The following LRRIQ1 variants were observed in gnomAD, a reference collection of about 807,000 sequenced individuals.
LRRIQ1 encodes leucine rich repeats and IQ motif containing 1, also known as leucine-rich repeat- and IQ domain-containing protein 1.
A neutral mutation model predicts 211.9 loss-of-function variants in LRRIQ1; 210 were observed. The ratio of observed to expected loss-of-function variants is 0.99; its 90% CI spans 0.89 to 1.11. LRRIQ1 has a LOEUF of 1.11. LRRIQ1 is among the 50% of genes most tolerant of loss of function. LRRIQ1 has a pLI of 0.00. For synonymous variants in LRRIQ1, 699 were observed against 650.1 expected (o/e 1.08, Z -1.14); for missense variants, 2,136 against 1,939.5 (o/e 1.10, Z -1.90).
At position 85,232,423 on chromosome 12, in the gene LRRIQ1, A is replaced by T. The variant is rs565022434; in HGVS notation, c.4956-273A>T. ...TTTGTTAACCATCTTTACTAGTACT[A>T]ATCAATTGTGGCTCTTTGCATGTGT... On this transcript the variant is annotated intron_variant, in intron 25 of 26. Transcript: ENST00000393217. 2.0e-5 allele frequency among the ~76,000 whole-genome samples: 3 copies of T among 152,280 alleles called. No homozygotes were observed. The South Asian group carries it at 6.2e-4, about 32-fold the overall frequency.
chr12:85,198,518 T>C (rs993229911), intron 24 of LRRIQ1, among the ~76,000 whole-genome samples: 1 of 152,050 alleles, frequency 6.6e-6, no homozygotes, highest in African/African-American at 2.4e-5. Flanking sequence ...TGGTGTGAGA[T>C]AGTATCTCAT....
At chr12:85,261,953 G>T (rs999388228) in intron 1 of LRRIQ1, among the ~76,000 whole-genome samples, 16 of 151,882 alleles carry the variant, frequency 1.1e-4, no homozygotes, top group Admixed American at 6.6e-4. Flanking sequence ...ACCACGCCCG[G>T]CTAATTTTGT....
chr12:85,212,916 C>A (rs1260488958), intron 24 of LRRIQ1, among the ~76,000 whole-genome samples: 1 of 150,382 alleles, frequency 6.6e-6, no homozygotes, highest in Admixed American at 6.6e-5. Flanking sequence ...AAAAGAAGTA[C>A]TCTATCGAAT....
At chr12:85,057,292 C>T in intron 8 of LRRIQ1, 108 bp downstream of exon 8, 1 of 923,022 alleles carries the variant, frequency 1.1e-6, no homozygotes, top group Non-Finnish European at 1.5e-6. Flanking sequence ...AGAATTGTCT[C>T]TTGTTTAATA....
At chr12:85,089,314 G>T (rs1048977401) in intron 11 of LRRIQ1, among the ~76,000 whole-genome samples, 2 of 152,122 alleles carry the variant, frequency 1.3e-5, no homozygotes, top group South Asian at 2.1e-4. Context: ...GAGGGGCATT[G>T]CTATAAAGAT....
At chr12:85,172,901 GA>G (rs1891487941) in intron 24 of LRRIQ1, among the ~76,000 whole-genome samples, 1 of 151,934 alleles carries the variant, frequency 6.6e-6, no homozygotes, top group Admixed American at 6.6e-5. Flanking sequence ...AAGATCAAGA[GA>G]TCGAGACCAT....
At chr12:85,224,562 G>A (rs952805029) in intron 24 of LRRIQ1, among the ~76,000 whole-genome samples, 2 of 152,064 alleles carry the variant, frequency 1.3e-5, no homozygotes, top group Non-Finnish European at 2.9e-5. Flanking sequence ...CCATCAAAAA[G>A]GATGAGTTCA....
At chr12:85,100,241 G>A (rs1886244973) in intron 13 of LRRIQ1, among the ~76,000 whole-genome samples, 1 of 151,592 alleles carries the variant, frequency 6.6e-6, no homozygotes, top group African/African-American at 2.4e-5. Context: ...GACAAGTAAT[G>A]CCTTTAATTT....
exon 2 of LRRIQ1, chr12:85,263,968 G>A (rs1353148323): frequency 6.6e-6 from 1 of 151,858 alleles, no homozygotes; most frequent in African/African-American, 2.4e-5. Flanking sequence ...TTACTCTCCC[G>A]AGTCTGGAAC....
chr12:85,068,913 A>G (rs1252925955), intron 10 of LRRIQ1, among the ~76,000 whole-genome samples: 5 of 149,462 alleles, frequency 3.3e-5, no homozygotes, highest in Non-Finnish European at 7.4e-5. Flanking sequence ...TAAGCCCTGT[A>G]TTTTCTTATT....
chr12:85,158,068 T>C (rs1423916278), intron 23 of LRRIQ1, among the ~76,000 whole-genome samples: 2 of 151,796 alleles, frequency 1.3e-5, no homozygotes, highest in Non-Finnish European at 2.9e-5. Context: ...TCAGAAAGAT[T>C]TTACAAGAAT....
intron 24 of LRRIQ1, among the ~76,000 whole-genome samples, chr12:85,210,668 A>G (rs944096313): frequency 6.6e-6 from 1 of 152,210 alleles, no homozygotes; most frequent in African/African-American, 2.4e-5. Flanking sequence ...TTTCGTATAC[A>G]AGATGTACTT....
intron 6 of LRRIQ1, among the ~76,000 whole-genome samples, chr12:85,049,487 A>G (rs950100116): frequency 6.6e-6 from 1 of 151,994 alleles, no homozygotes; most frequent in African/African-American, 2.4e-5. Flanking sequence ...TCAGTTTTCA[A>G]CCTACACCTG....
rs73379801 is a variant in LRRIQ1 at position 85,117,411 on chromosome 12, G to T, written c.3378-4286G>T. ...ATTTAACTAGAAATTATTATAGTAG[G>T]AGAAGAAAAAATCTGCTTCATATAA... On this transcript the variant is annotated intron_variant, in intron 15 of 26. Coordinates refer to ENST00000393217, the MANE Select transcript of LRRIQ1 (RefSeq NM_001079910.2). 1.4e-3 allele frequency among the ~76,000 whole-genome samples: 217 copies of T among 152,208 alleles called. 2 individuals carry two copies. The highest frequency in any genetic ancestry group is 5.2e-3 in the African/African-American group (215 of 41,554).
intron 18 of LRRIQ1, among the ~76,000 whole-genome samples, chr12:85,132,341 G>A (rs181393217): frequency 6.2e-4 from 94 of 152,182 alleles, no homozygotes; most frequent in African/African-American, 2.0e-3. Context: ...GGAACCTTTC[G>A]GGACAGGGTT....
intron 1 of LRRIQ1, among the ~76,000 whole-genome samples, chr12:85,250,987 A>T (rs1270213254): frequency 3.3e-5 from 4 of 120,106 alleles, no homozygotes; most frequent in Non-Finnish European, 6.6e-5. Flanking sequence ...TATAGATTAT[A>T]TATTATATTA....
chr12:85,047,747 T>C, intron 6 of LRRIQ1: 1 of 293,982 alleles, frequency 3.4e-6, no homozygotes, highest in Non-Finnish European at 6.4e-6. Flanking sequence ...ATTTACAATA[T>C]AAATTGTTGT....
At chr12:85,257,091 A>C (rs1384208830) in intron 1 of LRRIQ1, among the ~76,000 whole-genome samples, 2 of 108,246 alleles carry the variant, frequency 1.8e-5, no homozygotes, top group Non-Finnish European at 3.7e-5. Context: ...TAATTATATT[A>C]TATAATTATA....
the LRRIQ1 span, among the ~76,000 whole-genome samples, chr12:85,271,086 G>A: frequency 6.6e-6 from 1 of 152,128 alleles, no homozygotes; most frequent in South Asian, 2.1e-4. Context: ...AATATAAGAA[G>A]TTATTTTCTT....
Sources: allele counts gnomAD v4.1 joint callset (sites outside exome capture counted in the v4.1 genomes callset), GRCh38; gene constraint gnomAD v4.1.1; transcripts MANE v1.5; gene names NCBI Gene and HGNC (gene_info 2026-07-23, HGNC 2026-07-21).